MCC: variants seen among roughly 807,000 people sequenced by gnomAD.
MCC encodes the protein MCC regulator of Wnt signaling pathway.
In MCC, 90 loss-of-function variants were observed where a neutral mutation model predicts 116.2. The ratio of observed to expected loss-of-function variants is 0.77; its 90% confidence interval spans 0.65 to 0.92. The LOEUF (loss-of-function observed/expected upper bound fraction) is 0.92. MCC is among the 40% of genes least tolerant of loss of function. The pLI is 0.00. For missense variants in MCC, 1,516 were observed against 1,312.2 expected, an observed-to-expected ratio of 1.16 and a Z score of -2.40; for synonymous variants, 578 against 510.5, an observed-to-expected ratio of 1.13 and a Z score of -1.78.
At position 113,385,119 on chromosome 5, in the gene MCC, A is replaced by G; in HGVS notation, c.264T>C (p.Ile88=). The G allele has an allele frequency of 3.7e-6, 6 of 1,614,202 alleles. No individual in the cohort carries two copies. The highest frequency in any genetic ancestry group is 3.4e-6 in the Non-Finnish European group (4 of 1,180,044). Residue 88 remains isoleucine, a synonymous_variant, in exon 2 of 19, where the codon ATT becomes ATC. Transcript: ENST00000408903. ...NQLGADENGK[I]SFQDFTRCRM... ...GGCATCTTGTGAAATCCTGAAAGGA[A>G]ATCTTCCCATTTTCATCTGCTCCCA...
At chr5:113,361,799 T>C (rs1025305709) in intron 2 of MCC, among the ~76,000 whole-genome samples, 3 of 152,250 alleles carry the variant, frequency 2.0e-5, no homozygotes, top group African/African-American at 7.2e-5. Context: ...GGAGCTTGTA[T>C]ATCCATCTTC....
chr5:113,408,596 T>C (rs1293310455), intron 1 of MCC, among the ~76,000 whole-genome samples: 1 of 152,196 alleles, frequency 6.6e-6, no homozygotes, highest in Admixed American at 6.5e-5. Flanking sequence ...AGCATCAGCA[T>C]GACCTGGGAA....
intron 2 of MCC, among the ~76,000 whole-genome samples, chr5:113,356,263 C>T (rs6594702): frequency 0.097 from 14,710 of 151,430 alleles, 1,131 homozygotes; most frequent in African/African-American, 0.21. Flanking sequence ...TCTTGAACTC[C>T]TGGCTTCAGG....
In MCC at chr5:113,281,204, T is replaced by C. The variant is rs541214925; in HGVS notation, c.627+59315A>G. Reference sequence around the variant, plus strand: ...AATCCTCTCAAACCTCCAGCCATCATTGCTGCTTCAAAGCAATGCTCTCAC... The same window carrying C: ...AATCCTCTCAAACCTCCAGCCATCACTGCTGCTTCAAAGCAATGCTCTCAC... On this transcript the variant is annotated intron_variant, in intron 3 of 18. Coordinates refer to ENST00000408903, the MANE Select transcript of MCC (RefSeq NM_001085377.2). Among the ~76,000 whole-genome samples, 152 of 152,338 alleles carry C rather than the reference T, an allele frequency of 1.0e-3. 1 individual carries two copies. Among genetic ancestry groups the C allele is most frequent in the Admixed American group, 4.6e-3 (71 of 15,298 alleles).
At chr5:113,118,702 C>T (rs1399285963) in intron 6 of MCC, among the ~76,000 whole-genome samples, 2 of 152,192 alleles carry the variant, frequency 1.3e-5, no homozygotes, top group Non-Finnish European at 2.9e-5. Flanking sequence ...TAAATGATTT[C>T]CTATAATGGT....
At chr5:113,200,276 T>C (rs1762618852) in intron 3 of MCC, among the ~76,000 whole-genome samples, 1 of 152,126 alleles carries the variant, frequency 6.6e-6, no homozygotes, top group African/African-American at 2.4e-5. Flanking sequence ...ACATCATGAA[T>C]TTGAAATTAT....
intron 8 of MCC, among the ~76,000 whole-genome samples, chr5:113,097,412 C>T (rs1330348762): frequency 1.3e-5 from 2 of 152,050 alleles, no homozygotes; most frequent in African/African-American, 4.8e-5. Flanking sequence ...TTTAAGGTCC[C>T]TTTGAGGCCA....
chr5:113,059,296 G>A (rs905899043), intron 14 of MCC, among the ~76,000 whole-genome samples: 4 of 152,184 alleles, frequency 2.6e-5, no homozygotes, highest in East Asian at 1.9e-4. Context: ...GGACAGCAGC[G>A]GGGAACAGAT....
At position 113,064,041 on chromosome 5, in the gene MCC, G is replaced by A. The variant is rs531626238; in HGVS notation, c.2156C>T (p.Ala719Val). 30 of 1,614,170 alleles carry A rather than the reference G, an allele frequency of 1.9e-5. No individual in the cohort carries two copies. The East Asian group carries it at 2.5e-4, about 13-fold the overall frequency. Residue 719 changes from alanine to valine, a missense_variant, in exon 14 of 19, where the codon GCC becomes GTC. Ala to Val is a moderately conservative substitution (Grantham distance 64). Coordinates refer to ENST00000408903, the MANE Select transcript of MCC (RefSeq NM_001085377.2). ...GGGCTGCACGCTGCAGCCGGCCACG[G>A]CAAAGGCTCCCCCACAGCTGCCGTC... The part of the protein sequence containing the change: ...KLDGSCGGAF[A>V]VAGCSVQPWE...
chr5:113,364,861 C>T (rs1768646893), intron 2 of MCC, among the ~76,000 whole-genome samples: 2 of 152,208 alleles, frequency 1.3e-5, no homozygotes, highest in Non-Finnish European at 2.9e-5. Context: ...TGAGCCAAGT[C>T]TGGAGCTGGA....
intron 3 of MCC, among the ~76,000 whole-genome samples, chr5:113,300,711 G>T (rs926753128): frequency 1.3e-5 from 2 of 152,018 alleles, no homozygotes; most frequent in Admixed American, 6.6e-5. Flanking sequence ...CTCTCCCACC[G>T]CTGTGACTCC....
intron 3 of MCC, among the ~76,000 whole-genome samples, chr5:113,209,194 C>A (rs1022749982): frequency 6.6e-6 from 1 of 152,166 alleles, no homozygotes; most frequent in African/African-American, 2.4e-5. Flanking sequence ...CTAAGCAATT[C>A]ATTAATTCAA....
chr5:113,067,920 A>C (rs1753735398), intron 13 of MCC, among the ~76,000 whole-genome samples, 160 bp downstream of exon 13: 1 of 152,272 alleles, frequency 6.6e-6, no homozygotes, highest in Non-Finnish European at 1.5e-5. Flanking sequence ...CATTCAACAT[A>C]AACAATTTAC....
chr5:113,143,980 T>G (rs2150286380), intron 4 of MCC, among the ~76,000 whole-genome samples: 1 of 152,316 alleles, frequency 6.6e-6, no homozygotes, highest in Middle Eastern at 3.4e-3. Flanking sequence ...TCCAATATCA[T>G]TATCTCCCAG....
chr5:113,080,424 C>T (rs1346789061), intron 11 of MCC, among the ~76,000 whole-genome samples: 1 of 152,156 alleles, frequency 6.6e-6, no homozygotes, highest in Non-Finnish European at 1.5e-5. Context: ...CAATGATAGA[C>T]TGCATTAAGA....
intron 3 of MCC, among the ~76,000 whole-genome samples, chr5:113,170,365 T>C (rs1018712055): frequency 2.0e-5 from 3 of 152,204 alleles, no homozygotes; most frequent in African/African-American, 7.2e-5. Flanking sequence ...ATATACCATA[T>C]TCCTACCTCC....
rs573204343 is a variant in MCC, at chr5:113,244,852, A to G, written c.628-93430T>C. ...TGTATAAGCACAGCACTACCCAAAT[A>G]TATATAAAATGAAAATCCACTATAA... On this transcript the variant is annotated intron_variant, in intron 3 of 18. Transcript: ENST00000408903. Among the ~76,000 whole-genome samples, 69 of 152,348 alleles carry G rather than the reference A, an allele frequency of 4.5e-4. 1 individual carries two copies. The South Asian group carries it at 0.012, about 26-fold the overall frequency.
At position 113,044,554 on chromosome 5, in the gene MCC, A is replaced by G. The variant is rs370335593; in HGVS notation, c.2656-924T>C. The G allele has an allele frequency of 9.1e-5, 74 of 809,710 alleles. No individual in the cohort carries two copies. In the African/African-American group the frequency reaches 1.2e-3, roughly 13 times the overall value. 50.2% of individuals were successfully genotyped at this position (809,710 alleles called of 1,614,324 possible). A position where few individuals can be genotyped will look rare whatever the true frequency, so the allele number is the denominator to read the frequency against. ...TAAAAAGCTTGTGATCTGTTGCAGG[A>G]GATGGAATGTAAACAGATATTTTTT... On this transcript the variant is annotated intron_variant, in intron 16 of 18. Transcript: ENST00000408903.
chr5:113,177,175 G>C (rs1761380038), intron 3 of MCC, among the ~76,000 whole-genome samples: 2 of 152,012 alleles, frequency 1.3e-5, no homozygotes, highest in Non-Finnish European at 2.9e-5. Flanking sequence ...TAGCCTCCTA[G>C]TTCCCATAAA....
Sources: gnomAD v4.1 joint callset for allele counts (sites outside exome capture counted in the v4.1 genomes callset) on GRCh38, gnomAD v4.1.1 for gene constraint, MANE v1.5 for transcripts, NCBI Gene and HGNC (gene_info 2026-07-23, HGNC 2026-07-21) for gene names.